The following CRISPLD1 variants were observed in gnomAD, a reference collection of about 807,000 sequenced individuals.
CRISPLD1 encodes cysteine-rich secretory protein LCCL domain-containing 1.
A neutral mutation model predicts 77.5 loss-of-function variants in CRISPLD1; 60 were observed. That is an observed-to-expected ratio of 0.77 (90% CI 0.63 to 0.96). The LOEUF is 0.96. CRISPLD1 is among the 40% of genes least tolerant of loss of function. CRISPLD1 has a pLI of 0.00. For synonymous variants in CRISPLD1, 195 were observed against 200.1 expected, an observed-to-expected ratio of 0.97 and a Z score of 0.22; for missense variants, 623 against 615.8, an observed-to-expected ratio of 1.01 and a Z score of -0.12.
intron 13 of CRISPLD1, 45 bp from the exon 14 acceptor site, chr8:75,029,342 A>G: frequency 6.3e-7 from 1 of 1,590,050 alleles, no homozygotes; most frequent in Admixed American, 1.8e-5. Context: ...GGACAAGTCC[A>G]GCAGGAATTT....
chr8:75,012,268 G>A (rs1812944780), intron 2 of CRISPLD1, among the ~76,000 whole-genome samples, 165 bp from the exon 3 acceptor site: 1 of 152,076 alleles, frequency 6.6e-6, no homozygotes, highest in African/African-American at 2.4e-5. Context: ...TGATTTGGAG[G>A]CCAGTGCAAA....
intron 2 of CRISPLD1, among the ~76,000 whole-genome samples, chr8:75,001,324 TTC>T (rs1812737485): frequency 6.6e-6 from 1 of 152,168 alleles, no homozygotes; most frequent in African/African-American, 2.4e-5. Flanking sequence ...TTCAGTGACT[TTC>T]TGAGTTGCAC....
At position 75,031,565 on chromosome 8, in the gene CRISPLD1, CTCTGTGTG is replaced by C. The variant is rs1401336220; in HGVS notation, c.1452-624_1452-617del. Reference sequence around the variant, plus strand: ...AGTACTTTCAAAATGAGATTGAATGCTCTGTGTGTGTGTGTGTGTGTGTGTGTGTGTAT... The same window carrying C: ...AGTACTTTCAAAATGAGATTGAATGCTGTGTGTGTGTGTGTGTGTGTGTAT... On this transcript the variant is annotated intron_variant, in intron 14 of 14. Coordinates refer to ENST00000262207, the MANE Select transcript of CRISPLD1 (RefSeq NM_031461.6). 2.5e-3 allele frequency among the ~76,000 whole-genome samples: 218 copies of C among 87,558 alleles called. 1 individual carries two copies. The highest frequency in any genetic ancestry group is 0.012 in the African/African-American group (201 of 16,152). 57.4% of individuals were successfully genotyped at this position (87,558 alleles called of 152,430 possible).
chr8:75,028,382 C>T (rs1261852002), intron 13 of CRISPLD1, among the ~76,000 whole-genome samples: 1 of 152,080 alleles, frequency 6.6e-6, no homozygotes, highest in Non-Finnish European at 1.5e-5. Flanking sequence ...TATTAAATCA[C>T]TCACATGTGC....
intron 2 of CRISPLD1, among the ~76,000 whole-genome samples, chr8:74,992,100 G>T (rs1329478007): frequency 6.6e-6 from 1 of 152,162 alleles, no homozygotes; most frequent in Non-Finnish European, 1.5e-5. Context: ...ATTGTTGAAT[G>T]CTCAATAAAT....
rs1812490083 is a variant in CRISPLD1 at position 74,986,032 on chromosome 8, G to A, written c.45G>A (p.Leu15=). ...AREWLRVTTV[L]FMARAIPAMV... ...AGTGGCTCAGAGTAACCACAGTGCTGTTCATGGCTAGAGCAATTCCAGCCA... is the reference window on the plus strand; with the variant it reads ...AGTGGCTCAGAGTAACCACAGTGCTATTCATGGCTAGAGCAATTCCAGCCA... The change falls in exon 2 of 15, where the codon CTG becomes CTA. Residue 15 remains leucine (L), a synonymous_variant. Transcript: ENST00000262207. The A allele has an allele frequency of 6.2e-7, 1 of 1,614,130 alleles. No homozygotes were observed. Among genetic ancestry groups the A allele is most frequent in the Non-Finnish European group, 8.5e-7 (1 of 1,180,014 alleles).
chr8:75,024,332 T>TTC (rs1813196255), intron 12 of CRISPLD1, among the ~76,000 whole-genome samples: 1 of 114,768 alleles, frequency 8.7e-6, no homozygotes, highest in African/African-American at 4.4e-5. Context: ...TGTTGTTGTT[T>TTC]TGTTTTGTTT....
At chr8:75,010,812 A>G (rs969218399) in intron 2 of CRISPLD1, among the ~76,000 whole-genome samples, 1 of 151,848 alleles carries the variant, frequency 6.6e-6, no homozygotes, top group Non-Finnish European at 1.5e-5. Context: ...TTCTCATTCT[A>G]TATAATATTC....
intron 12 of CRISPLD1, among the ~76,000 whole-genome samples, chr8:75,023,074 A>G (rs796673121): frequency 2.0e-5 from 1 of 49,172 alleles, no homozygotes; most frequent in Admixed American, 1.6e-4. Context: ...AATTGTAGGT[A>G]AAAAAAAAAA....
At chr8:75,003,135 T>C (rs1370128038) in intron 2 of CRISPLD1, among the ~76,000 whole-genome samples, 29 of 152,208 alleles carry the variant, frequency 1.9e-4, no homozygotes. Flanking sequence ...GAGGCAGGAA[T>C]TATTAGTGGA....
intron 2 of CRISPLD1, among the ~76,000 whole-genome samples, chr8:75,007,057 A>G (rs1812844870): frequency 6.6e-6 from 1 of 152,158 alleles, no homozygotes; most frequent in Non-Finnish European, 1.5e-5. Flanking sequence ...TGAAACCTCA[A>G]TTATCAGAAA....
rs1813051373 is a variant in CRISPLD1 at position 75,017,360 on chromosome 8, T to C, written c.1037T>C (p.Ile346Thr). The change falls in exon 10 of 15, where the codon ATA (isoleucine) becomes ACA (threonine). Residue 346 changes from isoleucine (I) to threonine (T), a missense_variant. Transcript: ENST00000262207. Reference sequence around the variant, plus strand: ...AGAGCTGCAATTCATTATGGTATAATAGACAATGATGGTGGCTGGGTAGAT... The same window carrying C: ...AGAGCTGCAATTCATTATGGTATAACAGACAATGATGGTGGCTGGGTAGAT... ...ICRAAIHYGI[I>T]DNDGGWVDIT... The C allele has an allele frequency of 1.2e-6, 2 of 1,611,348 alleles. No individual in the cohort carries two copies. The highest frequency in any genetic ancestry group is 1.7e-6 in the Non-Finnish European group (2 of 1,178,862).
chr8:75,011,319 C>G (rs567529473), intron 2 of CRISPLD1, among the ~76,000 whole-genome samples: 3 of 142,342 alleles, frequency 2.1e-5, no homozygotes, highest in Non-Finnish European at 4.5e-5. Flanking sequence ...TGTTCCCCTT[C>G]CTGTGTCCAT....
chr8:75,006,495 T>C (rs16939023), intron 2 of CRISPLD1, among the ~76,000 whole-genome samples: 18,771 of 152,090 alleles, frequency 0.12, 1,704 homozygotes, highest in African/African-American at 0.25. Context: ...TCTTTAAAAG[T>C]CTCATTGTAG....
chr8:75,032,368 C>A lies in CRISPLD1; in HGVS notation c.*126C>A. On this transcript the variant is annotated 3_prime_UTR_variant, in exon 15 of 15. Transcript: ENST00000262207. ...TTTCAGCCCAAAAAGGTGCCAAATG[C>A]ATATAAATCTTGATAAACAAAGTCT... 1.9e-6 allele frequency: 1 copy of A among 515,120 alleles called. No homozygotes were observed. The highest frequency in any genetic ancestry group is 3.3e-6 in the Non-Finnish European group (1 of 298,716). The allele number at this position is 515,120 out of a possible 1,614,324, so 31.9% of individuals were successfully genotyped here.
chr8:75,000,739 C>T (rs1294516196), intron 2 of CRISPLD1, among the ~76,000 whole-genome samples: 1 of 152,014 alleles, frequency 6.6e-6, no homozygotes, highest in East Asian at 1.9e-4. Context: ...TCTCTAGCCT[C>T]ACATTCCTTT....
intron 10 of CRISPLD1, among the ~76,000 whole-genome samples, chr8:75,019,333 A>G (rs1168449132): frequency 6.6e-6 from 1 of 152,162 alleles, no homozygotes; most frequent in African/African-American, 2.4e-5. Context: ...TTTGATGTAT[A>G]ATTATGTGCC....
At chr8:74,985,090 G>T (rs1812475585) in intron 1 of CRISPLD1, among the ~76,000 whole-genome samples, 170 bp downstream of exon 1, 1 of 151,978 alleles carries the variant, frequency 6.6e-6, no homozygotes, top group South Asian at 2.1e-4. Flanking sequence ...GAAATTAGCG[G>T]GAGCTCTAGT....
intron 2 of CRISPLD1, among the ~76,000 whole-genome samples, chr8:75,000,645 G>A (rs1563393904): frequency 6.6e-6 from 1 of 152,060 alleles, no homozygotes; most frequent in Non-Finnish European, 1.5e-5. Flanking sequence ...TCCATACAGA[G>A]TTAGGTGCCC....
Sources: gnomAD v4.1 joint callset for allele counts (sites outside exome capture counted in the v4.1 genomes callset) on GRCh38, gnomAD v4.1.1 for gene constraint, MANE v1.5 for transcripts, NCBI Gene and HGNC (gene_info 2026-07-23, HGNC 2026-07-21) for gene names.